SLC4A9: variants seen among roughly 807,000 people sequenced by gnomAD.
SLC4A9 encodes the protein anion exchange protein 4.
A neutral mutation model predicts 103.2 loss-of-function variants in SLC4A9; 102 were observed. That is an observed-to-expected ratio of 0.99 (90% CI 0.84 to 1.17). The LOEUF is 1.17. Ranked by LOEUF, SLC4A9 falls within the 50% of genes most tolerant of loss-of-function variation. SLC4A9 has a pLI of 0.00. For synonymous variants in SLC4A9, 453 were observed against 483.6 expected (o/e 0.94, Z 0.83); for missense variants, 1,091 against 1,193.7 (o/e 0.91, Z 1.27).
chr5:140,371,616 C>T lies in SLC4A9; in HGVS notation c.2662C>T (p.Pro888Ser), dbSNP rs760421097. The T allele has an allele frequency of 2.5e-6, 4 of 1,614,014 alleles. No individual in the cohort carries two copies. Among genetic ancestry groups the T allele is most frequent in the Non-Finnish European group, 3.4e-6 (4 of 1,179,890 alleles). Residue 888 changes from proline (P) to serine (S), a missense_variant, in exon 19 of 22, where the codon CCC (proline) becomes TCC (serine). Transcript: ENST00000506757. ...IKSTPAAIIF[P>S]LMLLGLVGVR... Reference sequence around the variant, plus strand: ...GTCTACCCCTGCAGCCATCATCTTCCCCCTCATGGTAAGCTGAGGCAGGGT... The same window carrying T: ...GTCTACCCCTGCAGCCATCATCTTCTCCCTCATGGTAAGCTGAGGCAGGGT...
intron 17 of SLC4A9, among the ~76,000 whole-genome samples, chr5:140,369,280 CA>C (rs575452593): frequency 1.6e-3 from 157 of 97,686 alleles, no homozygotes; most frequent in Non-Finnish European, 2.2e-3. Context: ...AAGAATGTCT[CA>C]AAAAAAAAAA....
chr5:140,371,210 A>G (rs1450739634), intron 18 of SLC4A9, 47 bp downstream of exon 18: 1 of 1,569,856 alleles, frequency 6.4e-7, no homozygotes, highest in Non-Finnish European at 8.7e-7. Context: ...AAGAATAAAA[A>G]GACAAACAAA....
chr5:140,374,678 C>G (rs191830494), intron 21 of SLC4A9, 149 bp from the exon 22 acceptor site: 1 of 151,732 alleles, frequency 6.6e-6, no homozygotes, highest in Admixed American at 6.6e-5. Flanking sequence ...ATCTTCTGGG[C>G]GCTCCTTATC....
In SLC4A9 at chr5:140,367,758, T is replaced by A; in HGVS notation, c.2214T>A (p.Ala738=). ...TCCACCTGGACCTCTTCTGTGTGGC[T>A]GTGCTGATGCTACTCACATCAGCGC... ...AGFHLDLFCV[A]VLMLLTSALG... Residue 738 remains alanine, a synonymous_variant, in exon 16 of 22, where the codon GCT becomes GCA. Transcript: ENST00000506757. The A allele has an allele frequency of 6.2e-7, 1 of 1,614,010 alleles. No individual in the cohort carries two copies. Among genetic ancestry groups the A allele is most frequent in the Middle Eastern group, 1.6e-4 (1 of 6,062 alleles).
Position 140,366,275 on chromosome 5 carries a change from G to T in SLC4A9, c.2013+11G>T. 1 of 1,569,084 alleles carries T rather than the reference G, an allele frequency of 6.4e-7. No individual in the cohort carries two copies. Among genetic ancestry groups the T allele is most frequent in the South Asian group, 1.2e-5 (1 of 86,088 alleles). The stretch of plus-strand genomic sequence containing the variant: ...CCCAGAGAGTTCAAGGTGAGAGCCA[G>T]GGAAGAGGGTTGGGGGACCAGAGGG... On this transcript the variant is annotated intron_variant, in intron 14 of 21. Coordinates refer to ENST00000506757, the MANE Select transcript of SLC4A9 (RefSeq NM_031467.3).
At chr5:140,365,678 A>G (rs1185226044) in intron 12 of SLC4A9, 100 bp downstream of exon 12, 5 of 1,448,250 alleles carry the variant, frequency 3.5e-6, no homozygotes, top group African/African-American at 2.8e-5. Flanking sequence ...GGAAACCTTC[A>G]TAGGTGAGTA....
chr5:140,365,574 G>A lies in SLC4A9; in HGVS notation c.1706G>A (p.Ser569Asn), dbSNP rs758686413. The change falls in exon 12 of 22, where the codon AGC becomes AAC. Residue 569 changes from serine (S) to asparagine (N), a missense_variant. Ser to Asn is a conservative substitution (Grantham distance 46). Transcript: ENST00000506757. Reference protein sequence around the residue: ...TRPKDRDDIVSMDLGLINASL... With the variant: ...TRPKDRDDIVNMDLGLINASL... ...CCAAAAGACAGAGACGACATTGTAA[G>A]CATGGTGAGGGACTGCTCCTGGGAG... The A allele has an allele frequency of 1.9e-6, 3 of 1,611,542 alleles. No individual in the cohort carries two copies. The highest frequency in any genetic ancestry group is 2.2e-5 in the East Asian group (1 of 44,856).
intron 1 of SLC4A9, 95 bp from the exon 2 acceptor site, chr5:140,360,717 C>T (rs753616041): frequency 1.9e-6 from 3 of 1,571,778 alleles, no homozygotes; most frequent in Non-Finnish European, 2.6e-6. Flanking sequence ...CCCAGGATGC[C>T]CTCATTGCCT....
chr5:140,361,846 GC>G lies in SLC4A9; in HGVS notation c.550del (p.Leu184Ter), dbSNP rs747776691. On this transcript the variant is annotated frameshift_variant, in exon 4 of 22. Coordinates refer to ENST00000506757, the MANE Select transcript of SLC4A9 (RefSeq NM_031467.3). LOFTEE classifies it high-confidence loss of function. Reference sequence around the variant, plus strand: ...AAGAAAGGCTTCTGACAATGAGGAAGCCCCCCTGAGGGAACAGGTTTGTGGC... The same window carrying G: ...AAGAAAGGCTTCTGACAATGAGGAAGCCCCCTGAGGGAACAGGTTTGTGGC... Reference protein sequence around the residue: ...HPRKASDNEEAPLREQCQNPL... With the variant: ...HPRKASDNEEXPLREQCQNPL... The G allele has an allele frequency of 2.0e-5, 33 of 1,613,866 alleles. No individual in the cohort carries two copies. Among genetic ancestry groups the G allele is most frequent in the Non-Finnish European group, 2.6e-5 (31 of 1,179,898 alleles).
Position 140,364,355 on chromosome 5 carries a change from C to A in SLC4A9, c.1389-8C>A, listed in dbSNP as rs749659245. The A allele has an allele frequency of 5.6e-6, 9 of 1,612,312 alleles. No homozygotes were observed. In the South Asian group the frequency reaches 8.8e-5, roughly 16 times the overall value. ...CTAAGCCAGCCTTCCTGTCTCTCAT[C>A]CCCACAGAGATTACAGCCTGGACTA... is the stretch of plus-strand genomic sequence containing the variant. On this transcript the variant is annotated splice_region_variant and splice_polypyrimidine_tract_variant and intron_variant, in intron 10 of 21. Coordinates refer to ENST00000506757, the MANE Select transcript of SLC4A9 (RefSeq NM_031467.3).
At position 140,366,203 on chromosome 5, in the gene SLC4A9, G is replaced by A. The variant is rs1245333282; in HGVS notation, c.1952G>A (p.Cys651Tyr). ...FSSVLAILLG[C>Y]GLDAFLGLAT... ...TCAGTCCTGGCCATCCTGCTCGGCT[G>A]TGGCCTTGATGCTTTCCTGGGCCTA... The change falls in exon 14 of 22, where the codon TGT becomes TAT. Residue 651 changes from cysteine to tyrosine, a missense_variant. By Grantham distance (194) the Cys-to-Tyr change is radical. Coordinates refer to ENST00000506757, the MANE Select transcript of SLC4A9 (RefSeq NM_031467.3). The A allele has an allele frequency of 1.2e-6, 2 of 1,610,760 alleles. No individual in the cohort carries two copies. Among genetic ancestry groups the A allele is most frequent in the African/African-American group, 1.3e-5 (1 of 75,000 alleles).
chr5:140,361,005 G>C, intron 2 of SLC4A9, 33 bp downstream of exon 2: 1 of 1,518,144 alleles, frequency 6.6e-7, no homozygotes. Flanking sequence ...AAGGGCCTGG[G>C]TAGCCATGCC....
In SLC4A9 at chr5:140,367,737, C is replaced by T. The variant is rs1171689214; in HGVS notation, c.2193C>T (p.His731=). The T allele has an allele frequency of 4.3e-6, 7 of 1,614,010 alleles. No individual in the cohort carries two copies. The highest frequency in any genetic ancestry group is 1.3e-5 in the African/African-American group (1 of 75,054). ...ACCTGCAGAAGGGAGCTGGCTTCCA[C>T]CTGGACCTCTTCTGTGTGGCTGTGC... The part of the protein sequence containing the change: ...EYRLQKGAGF[H]LDLFCVAVLM... The change falls in exon 16 of 22, where the codon CAC becomes CAT. Residue 731 remains histidine, a synonymous_variant. Coordinates refer to ENST00000506757, the MANE Select transcript of SLC4A9 (RefSeq NM_031467.3).
rs752316917 is a variant in SLC4A9, at chr5:140,363,918, G to A, written c.1254+16G>A. The A allele has an allele frequency of 6.2e-7, 1 of 1,612,050 alleles. No homozygotes were observed. Among genetic ancestry groups the A allele is most frequent in the Admixed American group, 1.7e-5 (1 of 59,956 alleles). Reference sequence around the variant, plus strand: ...TGGTGCCCAGGTGGGTAGGGCCCAGGGGGCAGGCACAAGCGTTGGTGTCCC... The same window carrying A: ...TGGTGCCCAGGTGGGTAGGGCCCAGAGGGCAGGCACAAGCGTTGGTGTCCC... On this transcript the variant is annotated intron_variant, in intron 9 of 21. Coordinates refer to ENST00000506757, the MANE Select transcript of SLC4A9 (RefSeq NM_031467.3). The surrounding 1 kb of genome is among the most constrained non-coding windows in gnomAD (Gnocchi z 4.5).
At position 140,364,358 on chromosome 5, in the gene SLC4A9, C is replaced by T. The variant is rs774864261; in HGVS notation, c.1389-5C>T. On this transcript the variant is annotated splice_region_variant and splice_polypyrimidine_tract_variant and intron_variant, in intron 10 of 21. Transcript: ENST00000506757. ...AGCCAGCCTTCCTGTCTCTCATCCC[C>T]ACAGAGATTACAGCCTGGACTACCT... 4 of 1,612,452 alleles carry T rather than the reference C, an allele frequency of 2.5e-6. No individual in the cohort carries two copies. In the South Asian group the frequency reaches 4.4e-5, roughly 18 times the overall value.
At chr5:140,371,650 G>A in intron 19 of SLC4A9, 26 bp downstream of exon 19, 4 of 1,613,036 alleles carry the variant, frequency 2.5e-6, no homozygotes, top group Non-Finnish European at 3.4e-6. Flanking sequence ...GTTGGGCTGT[G>A]TCCTGGAGGG....
chr5:140,372,856 G>A lies in SLC4A9; in HGVS notation c.*45+13G>A. 2.8e-6 allele frequency: 4 copies of A among 1,447,524 alleles called. No individual in the cohort carries two copies. The highest frequency in any genetic ancestry group is 2.5e-5 in the East Asian group (1 of 40,018). The allele number at this position is 1,447,524 out of a possible 1,614,324, so 89.7% of individuals were successfully genotyped here. On this transcript the variant is annotated intron_variant, in intron 21 of 21. Coordinates refer to ENST00000506757, the MANE Select transcript of SLC4A9 (RefSeq NM_031467.3). ...GAAACAGCATGAGGTGAGGGTGTGA[G>A]GGAAGTGCTCCTGATGTTGAGGATG...
Position 140,361,263 on chromosome 5 carries a change from C to A in SLC4A9, c.401C>A (p.Thr134Asn), listed in dbSNP as rs1180041350. 1 of 1,564,206 alleles carries A rather than the reference C, an allele frequency of 6.4e-7. No individual in the cohort carries two copies. The highest frequency in any genetic ancestry group is 1.9e-5 in the Admixed American group (1 of 52,492). Residue 134 changes from threonine (T) to asparagine (N), a missense_variant, in exon 3 of 22, where the codon ACC (threonine) becomes AAC (asparagine). Thr to Asn is a moderately conservative substitution (Grantham distance 65, BLOSUM62 0). Coordinates refer to ENST00000506757, the MANE Select transcript of SLC4A9 (RefSeq NM_031467.3). ...CCAATCCATTCTCCAGAGCAGGTGACCAGGGTGGAGTCGCTGAGCCCAGAG... is the reference window on the plus strand; with the variant it reads ...CCAATCCATTCTCCAGAGCAGGTGAACAGGGTGGAGTCGCTGAGCCCAGAG... ...QSLLELVEQV[T>N]RVESLSPELR...
intron 21 of SLC4A9, 104 bp from the exon 22 acceptor site, chr5:140,374,723 G>C (rs997788642): frequency 6.6e-6 from 1 of 152,178 alleles, no homozygotes; most frequent in East Asian, 1.9e-4. Context: ...CTTTGCAGTA[G>C]TATGTCCCCT....
Sources: allele counts gnomAD v4.1 joint callset (sites outside exome capture counted in the v4.1 genomes callset), GRCh38; gene constraint gnomAD v4.1.1; non-coding constraint Gnocchi (gnomAD v3.1); transcripts MANE v1.5; gene names NCBI Gene and HGNC (gene_info 2026-07-23, HGNC 2026-07-21).